Variants in PCDH9 observed in about 807,000 individuals in gnomAD.
PCDH9 encodes protocadherin 9.
Under a neutral mutation model 70.6 loss-of-function variants are expected in PCDH9, and 24 were observed. The ratio of observed to expected loss-of-function variants is 0.34; its 90% CI spans 0.25 to 0.48. The LOEUF (loss-of-function observed/expected upper bound fraction) is 0.48, where lower values mean the gene tolerates loss of function less well. Ranked by LOEUF, PCDH9 falls within the 20% of genes least tolerant of loss-of-function variation. The pLI is 0.99. For synonymous variants in PCDH9, 562 were observed against 558.5 expected (o/e 1.01, Z -0.09); for missense variants, 1,281 against 1,503.6 (o/e 0.85, Z 2.45).
intron 2 of PCDH9, among the ~76,000 whole-genome samples, chr13:67,187,430 G>A (rs1378533616): frequency 6.6e-6 from 1 of 152,142 alleles, no homozygotes; most frequent in Non-Finnish European, 1.5e-5. Context: ...GGATTAGCTA[G>A]TGGGTTTCCT....
At chr13:66,475,935 C>T (rs1022857270) in intron 4 of PCDH9, among the ~76,000 whole-genome samples, 8 of 152,148 alleles carry the variant, frequency 5.3e-5, no homozygotes, top group East Asian at 1.9e-4. Flanking sequence ...CCCTGTCTTC[C>T]GATTTGTCCC....
chr13:66,781,227 T>C (rs1352442481), intron 3 of PCDH9, among the ~76,000 whole-genome samples: 1 of 152,216 alleles, frequency 6.6e-6, no homozygotes, highest in Non-Finnish European at 1.5e-5. Flanking sequence ...CACTAACAGA[T>C]ACTCAAACAG....
chr13:66,966,031 T>C (rs572763518), intron 2 of PCDH9, among the ~76,000 whole-genome samples: 1 of 152,274 alleles, frequency 6.6e-6, no homozygotes, highest in South Asian at 2.1e-4. Context: ...ATTTACGATA[T>C]ACATGAAGAA....
intron 2 of PCDH9, among the ~76,000 whole-genome samples, chr13:67,128,051 T>C (rs905598289): frequency 2.6e-5 from 4 of 152,150 alleles, no homozygotes; most frequent in Admixed American, 1.3e-4. Context: ...AGGTGGCAGG[T>C]AATGTGATAC....
At chr13:66,599,387 T>C (rs753260841) in intron 4 of PCDH9, among the ~76,000 whole-genome samples, 1 of 151,876 alleles carries the variant, frequency 6.6e-6, no homozygotes, top group African/African-American at 2.4e-5. Context: ...ATTTAGGATA[T>C]CACTTAATAG....
At chr13:66,972,029 A>G (rs2083531926) in intron 2 of PCDH9, among the ~76,000 whole-genome samples, 1 of 151,942 alleles carries the variant, frequency 6.6e-6, no homozygotes, top group Non-Finnish European at 1.5e-5. Context: ...GAATGGAAAC[A>G]TTCTTAACAC....
At chr13:67,216,491 C>T (rs989082780) in intron 2 of PCDH9, 1 of 151,380 alleles carries the variant, frequency 6.6e-6, no homozygotes, top group African/African-American at 2.4e-5. Flanking sequence ...AATATTATTA[C>T]TCTATATACC....
intron 3 of PCDH9, among the ~76,000 whole-genome samples, chr13:66,638,287 C>T (rs1238935079): frequency 2.0e-5 from 3 of 152,094 alleles, no homozygotes; most frequent in African/African-American, 4.8e-5. Flanking sequence ...ATGTCATTCT[C>T]TTCTAATTCT....
intron 4 of PCDH9, among the ~76,000 whole-genome samples, chr13:66,618,272 A>T (rs971826200): frequency 2.6e-5 from 4 of 152,150 alleles, no homozygotes; most frequent in African/African-American, 9.7e-5. Flanking sequence ...TCCTGCAATA[A>T]CTGGACATTC....
chr13:66,367,312 G>T (rs1302397998), intron 4 of PCDH9, among the ~76,000 whole-genome samples: 7 of 152,094 alleles, frequency 4.6e-5, no homozygotes, highest in Non-Finnish European at 8.8e-5. Flanking sequence ...ATAGAAACAT[G>T]CTCACAGTGG....
chr13:66,491,385 T>TGTGTGTGTGTG (rs1555299289), intron 4 of PCDH9, among the ~76,000 whole-genome samples: 25 of 136,134 alleles, frequency 1.8e-4, no homozygotes, highest in Non-Finnish European at 3.5e-4. Context: ...GCAGGAGATA[T>TGTGTGTGTGTG]TGTGTGTGTG....
At chr13:66,828,701 A>G (rs1397358660) in intron 3 of PCDH9, among the ~76,000 whole-genome samples, 2 of 152,124 alleles carry the variant, frequency 1.3e-5, no homozygotes, top group Non-Finnish European at 2.9e-5. Flanking sequence ...AGAGAGAGGG[A>G]GAAACATAGA....
intron 2 of PCDH9, among the ~76,000 whole-genome samples, chr13:67,120,652 G>T (rs559452386): frequency 8.5e-5 from 13 of 152,130 alleles, no homozygotes; most frequent in South Asian, 4.2e-4. Context: ...CATTCTATCA[G>T]TTGTTTAGTC....
chr13:66,888,242 A>G (rs2082040117), intron 3 of PCDH9, among the ~76,000 whole-genome samples: 1 of 152,114 alleles, frequency 6.6e-6, no homozygotes, highest in Non-Finnish European at 1.5e-5. Flanking sequence ...TGCCTATGAT[A>G]GCAGCTCTTT....
chr13:67,118,493 G>A (rs1238626574), intron 2 of PCDH9, among the ~76,000 whole-genome samples: 1 of 152,066 alleles, frequency 6.6e-6, no homozygotes, highest in Non-Finnish European at 1.5e-5. Flanking sequence ...AAATTCAATC[G>A]TATGGCATAA....
intron 3 of PCDH9, among the ~76,000 whole-genome samples, chr13:66,722,695 C>T (rs573569253): frequency 4.6e-5 from 7 of 152,158 alleles, no homozygotes; most frequent in Middle Eastern, 3.4e-3. Context: ...GTGCCGGGCG[C>T]GGTGGCTCAC....
chr13:66,608,655 A>G (rs977463529), intron 4 of PCDH9, among the ~76,000 whole-genome samples: 15 of 151,800 alleles, frequency 9.9e-5, no homozygotes, highest in Non-Finnish European at 1.9e-4. Context: ...AGATGGCTCT[A>G]TCAAACTCCT....
At chr13:66,943,658 T>C (rs1382912989) in intron 2 of PCDH9, among the ~76,000 whole-genome samples, 2 of 152,056 alleles carry the variant, frequency 1.3e-5, no homozygotes, top group African/African-American at 4.8e-5. Context: ...TGGAGATTGA[T>C]ACAGATCTCT....
chr13:67,071,888 C>CAAAAAAAAAAAAAAAAAAA (rs5804309), intron 2 of PCDH9, among the ~76,000 whole-genome samples: 1 of 86,688 alleles, frequency 1.2e-5, no homozygotes, highest in African/African-American at 4.5e-5. Flanking sequence ...GACTTTGTCT[C>CAAAAAAAAAAAAAAAAAAA]AAAAAAAAAA....
Sources: allele counts gnomAD v4.1 joint callset (sites outside exome capture counted in the v4.1 genomes callset), GRCh38; gene constraint gnomAD v4.1.1; transcripts MANE v1.5; gene names NCBI Gene and HGNC (gene_info 2026-07-23, HGNC 2026-07-21).